The following SLC2A13 variants were observed in gnomAD, a reference collection of about 807,000 sequenced individuals.
SLC2A13 encodes proton myo-inositol cotransporter.
A neutral mutation model predicts 64.4 loss-of-function variants in SLC2A13; 32 were observed. The ratio of observed to expected loss-of-function variants is 0.50; its 90% CI spans 0.37 to 0.67. The LOEUF (loss-of-function observed/expected upper bound fraction) is 0.67. Ranked by LOEUF, SLC2A13 falls within the 30% of genes least tolerant of loss-of-function variation. The pLI, the probability that SLC2A13 is intolerant of heterozygous loss-of-function variation, is 0.00. For missense variants in SLC2A13, 743 were observed against 829.2 expected (o/e 0.90, Z 1.28); for synonymous variants, 338 against 327.1 (o/e 1.03, Z -0.36).
chr12:39,847,942 T>C (rs1943362394), intron 6 of SLC2A13, among the ~76,000 whole-genome samples: 2 of 152,178 alleles, frequency 1.3e-5, no homozygotes, highest in South Asian at 2.1e-4. Context: ...TTCCTACTTC[T>C]GATGAGAGGC....
intron 4 of SLC2A13, among the ~76,000 whole-genome samples, chr12:39,946,854 G>A (rs1433426785): frequency 9.2e-5 from 14 of 152,152 alleles, no homozygotes; most frequent in Admixed American, 2.6e-4. Context: ...CCCCATTTGC[G>A]TCCTCCCTTA....
chr12:40,100,482 T>C (rs1939107424), intron 1 of SLC2A13, among the ~76,000 whole-genome samples: 1 of 152,182 alleles, frequency 6.6e-6, no homozygotes, highest in Non-Finnish European at 1.5e-5. Context: ...TACTTTGTGT[T>C]TTCTAGACAA....
At chr12:40,092,725 G>GT (rs1938809217) in intron 1 of SLC2A13, among the ~76,000 whole-genome samples, 1 of 152,156 alleles carries the variant, frequency 6.6e-6, no homozygotes, top group Non-Finnish European at 1.5e-5. Flanking sequence ...TTCAACTTCC[G>GT]TATCTCCATT....
chr12:39,817,463 C>T (rs1942369926), intron 7 of SLC2A13, among the ~76,000 whole-genome samples: 1 of 148,660 alleles, frequency 6.7e-6, no homozygotes, highest in African/African-American at 2.4e-5. Context: ...TACATTGTAT[C>T]AACTCCTTAT....
intron 3 of SLC2A13, among the ~76,000 whole-genome samples, chr12:39,979,987 C>G (rs1362790816): frequency 2.0e-5 from 3 of 150,562 alleles, no homozygotes; most frequent in African/African-American, 7.4e-5. Flanking sequence ...GGCAGAAACC[C>G]TACAAGCCAG....
At chr12:39,905,963 A>G (rs530647515) in intron 4 of SLC2A13, among the ~76,000 whole-genome samples, 8 of 152,218 alleles carry the variant, frequency 5.3e-5, no homozygotes, top group African/African-American at 1.9e-4. Context: ...TAAAAAGTAT[A>G]TTCCTAATTT....
chr12:40,007,374 A>G (rs983872502), intron 3 of SLC2A13, among the ~76,000 whole-genome samples: 3 of 152,226 alleles, frequency 2.0e-5, no homozygotes, highest in Non-Finnish European at 4.4e-5. Context: ...TAGTTCAAGA[A>G]TAGTATAAAT....
intron 6 of SLC2A13, among the ~76,000 whole-genome samples, chr12:39,849,222 C>T (rs1943401280): frequency 1.3e-5 from 2 of 151,440 alleles, no homozygotes; most frequent in Admixed American, 1.3e-4. Context: ...GGAAAGAGTC[C>T]CTAACAGTAT....
rs540598642 is a variant in SLC2A13, at chr12:39,900,462, CT to C, written c.1035-28502del. On this transcript the variant is annotated intron_variant, in intron 4 of 9. Transcript: ENST00000280871. ...CCCCATCGTCTCAGCCCAAAATCTCCTTAAGCTGATAAGCAACTTCAGCAAA... is the reference window on the plus strand; with the variant it reads ...CCCCATCGTCTCAGCCCAAAATCTCCTAAGCTGATAAGCAACTTCAGCAAA... Among the ~76,000 whole-genome samples, 599 of 152,082 alleles carry C rather than the reference CT, an allele frequency of 3.9e-3. 1 individual carries two copies. The highest frequency in any genetic ancestry group is 0.013 in the African/African-American group (545 of 41,506).
chr12:39,822,008 C>T (rs1443269417), intron 7 of SLC2A13, among the ~76,000 whole-genome samples: 3 of 151,630 alleles, frequency 2.0e-5, no homozygotes, highest in Admixed American at 6.6e-5. Flanking sequence ...CATGCTGGTG[C>T]GCTGCACACA....
At chr12:39,889,118 A>C (rs1592244371) in intron 4 of SLC2A13, among the ~76,000 whole-genome samples, 1 of 152,150 alleles carries the variant, frequency 6.6e-6, no homozygotes, top group East Asian at 1.9e-4. Context: ...TTGCAAAAGC[A>C]AACCAAATGT....
At chr12:40,006,887 T>G (rs1301331599) in intron 3 of SLC2A13, among the ~76,000 whole-genome samples, 1 of 152,248 alleles carries the variant, frequency 6.6e-6, no homozygotes, top group Non-Finnish European at 1.5e-5. Context: ...AATTCCTTCA[T>G]AAATTTAATC....
At chr12:40,022,187 G>A (rs1947730771) in intron 3 of SLC2A13, among the ~76,000 whole-genome samples, 1 of 152,134 alleles carries the variant, frequency 6.6e-6, no homozygotes, top group African/African-American at 2.4e-5. Flanking sequence ...TGCTTTCCAG[G>A]CTAGAGATCA....
chr12:40,016,190 C>A (rs1395979177), intron 3 of SLC2A13, among the ~76,000 whole-genome samples: 1 of 151,996 alleles, frequency 6.6e-6, no homozygotes, highest in East Asian at 1.9e-4. Context: ...ACATACTACA[C>A]CACCCCCCCA....
intron 4 of SLC2A13, among the ~76,000 whole-genome samples, chr12:39,941,120 CATATATATAT>C (rs56394315): frequency 6.7e-5 from 10 of 149,442 alleles, no homozygotes; most frequent in Admixed American, 6.7e-5. Flanking sequence ...AGTATTCCAT[CATATATATAT>C]ATATATATAT....
Position 39,893,164 on chromosome 12 carries a change from A to T in SLC2A13, c.1035-21203T>A, listed in dbSNP as rs776402425. Among the ~76,000 whole-genome samples the T allele has an allele frequency of 9.4e-4, 143 of 152,304 alleles. 1 individual carries two copies. Among genetic ancestry groups the T allele is most frequent in the Non-Finnish European group, 8.8e-5 (6 of 68,018 alleles). ...ATCAAAAATAAGAAAGCAACAACAT[A>T]TTCAGTCATTTAAATTAGATTGGCC... On this transcript the variant is annotated intron_variant, in intron 4 of 9. Transcript: ENST00000280871.
At chr12:39,896,232 A>ATG (rs1210035297) in intron 4 of SLC2A13, among the ~76,000 whole-genome samples, 3 of 134,612 alleles carry the variant, frequency 2.2e-5, no homozygotes, top group Non-Finnish European at 4.8e-5. Flanking sequence ...ATATATGCAT[A>ATG]TGTGTATATA....
At chr12:40,060,295 T>G (rs1285027284) in intron 1 of SLC2A13, among the ~76,000 whole-genome samples, 1 of 152,174 alleles carries the variant, frequency 6.6e-6, no homozygotes, top group Admixed American at 6.6e-5. Flanking sequence ...TGAAAACTAC[T>G]TAAATAAGTA....
intron 4 of SLC2A13, among the ~76,000 whole-genome samples, chr12:39,923,867 T>A (rs983538232): frequency 1.3e-5 from 2 of 151,966 alleles, no homozygotes; most frequent in African/African-American, 4.8e-5. Flanking sequence ...AATATGCACA[T>A]CTGCATATGT....
Sources: gnomAD v4.1 joint callset for allele counts (sites outside exome capture counted in the v4.1 genomes callset) on GRCh38, gnomAD v4.1.1 for gene constraint, MANE v1.5 for transcripts, NCBI Gene and HGNC (gene_info 2026-07-23, HGNC 2026-07-21) for gene names.